NABP2: variants seen among roughly 807,000 people sequenced by gnomAD.
NABP2 encodes SOSS complex subunit B1.
In NABP2, 7 loss-of-function variants were observed where a neutral mutation model predicts 22.7. That is an observed-to-expected ratio of 0.31 (90% CI 0.18 to 0.58). NABP2 has a LOEUF of 0.58. Among genes scored for constraint, NABP2 ranks in the 20% least tolerant of loss-of-function variants. The probability of loss-of-function intolerance (pLI) is 0.89; values close to 1 mark genes in which losing one functional copy is unlikely to be tolerated. For synonymous variants in NABP2, 107 were observed against 99.2 expected, an observed-to-expected ratio of 1.08 and a Z score of -0.47; for missense variants, 188 against 265.9, an observed-to-expected ratio of 0.71 and a Z score of 2.04.
chr12:56,229,462 C>T lies in NABP2; in HGVS notation c.*249C>T. 1 of 505,870 alleles carries T rather than the reference C, an allele frequency of 2.0e-6. No homozygotes were observed. The highest frequency in any genetic ancestry group is 2.1e-5 in the South Asian group (1 of 47,256). 31.3% of individuals were successfully genotyped at this position (505,870 alleles called of 1,614,324 possible). On this transcript the variant is annotated 3_prime_UTR_variant, in exon 7 of 7. Transcript: ENST00000267023. ...AGAAATGGCAGTTACTGGCTGGGCG[C>T]AGTGGCTCACGCTTGTAATCCCAGC...
chr12:56,229,087 T>TTGCCCGCCCCC lies in NABP2; in HGVS notation c.510_511insTGCCCGCCCCC (p.Pro171CysfsTer66). 9.3e-6 allele frequency: 14 copies of TTGCCCGCCCCC among 1,512,320 alleles called. No individual in the cohort carries two copies. The highest frequency in any genetic ancestry group is 2.3e-5 in the East Asian group (1 of 43,520). The allele number at this position is 1,512,320 out of a possible 1,614,324, so 93.7% of individuals were successfully genotyped here. On this transcript the variant is annotated frameshift_variant, in exon 7 of 7. Transcript: ENST00000267023. LOFTEE classifies it high-confidence loss of function. ...GTGGTGGCCCACATCCCCCTCATAC[T>TTGCCCGCCCCC]CCCTCCCACCCACCCAGCACCCGAA...
chr12:56,229,071 C>T lies in NABP2; in HGVS notation c.494C>T (p.Pro165Leu), dbSNP rs1386593695. The stretch of plus-strand genomic sequence containing the variant: ...GCCCCACCAGGTCCCGGTGGTGGCC[C>T]ACATCCCCCTCATACTCCCTCCCAC... ...LSAPPGPGGG[P>L]HPPHTPSHPP... is the part of the protein sequence containing the mutation. The change falls in exon 7 of 7, where the codon CCA becomes CTA. Residue 165 changes from proline to leucine, a missense_variant. Transcript: ENST00000267023. 6.2e-7 allele frequency: 1 copy of T among 1,612,612 alleles called. No homozygotes were observed.
At chr12:56,223,148 A>G (rs1869579177), upstream of NABP2, among the ~76,000 whole-genome samples, 1 of 152,146 alleles carries the variant, frequency 6.6e-6, no homozygotes, top group African/African-American at 2.4e-5. Flanking sequence ...AGACAGGAGA[A>G]TCGCTTGAAC....
intron 6 of NABP2, 149 bp downstream of exon 6, chr12:56,226,568 T>TC (rs1291223668): frequency 1.5e-6 from 1 of 680,598 alleles, no homozygotes; most frequent in Admixed American, 3.2e-5. Context: ...TTTTTTTTTT[T>TC]TTTTTTTTTT....
chr12:56,226,091 C>T, intron 4 of NABP2, 88 bp from the exon 5 acceptor site: 1 of 1,200,602 alleles, frequency 8.3e-7, no homozygotes, highest in South Asian at 1.2e-5. Context: ...TGTGAGTGAC[C>T]ACACCGAACC....
intron 2 of NABP2, among the ~76,000 whole-genome samples, 190 bp downstream of exon 2, chr12:56,225,125 T>C (rs181431297): frequency 6.6e-6 from 1 of 152,198 alleles, no homozygotes; most frequent in African/African-American, 2.4e-5. Context: ...TTGCCAGATC[T>C]AGACCTCCTG....
At chr12:56,226,321 G>C (rs1475347974) in intron 5 of NABP2, 35 bp from the exon 6 acceptor site, 1 of 1,613,888 alleles carries the variant, frequency 6.2e-7, no homozygotes, top group Non-Finnish European at 8.5e-7. Context: ...AGCATGGGAG[G>C]GAGCAGGATC....
chr12:56,229,087 T>TGGCGCCCCC lies in NABP2; in HGVS notation c.510_511insGGCGCCCCC (p.Thr170_Pro171insGlyAlaPro). The TGGCGCCCCC allele has an allele frequency of 2.0e-6, 3 of 1,512,346 alleles. No homozygotes were observed. The highest frequency in any genetic ancestry group is 2.7e-6 in the Non-Finnish European group (3 of 1,102,014). The allele number at this position is 1,512,346 out of a possible 1,614,324, so 93.7% of individuals were successfully genotyped here. A position where few individuals can be genotyped will look rare whatever the true frequency, so the allele number is the denominator to read the frequency against. ...GTGGTGGCCCACATCCCCCTCATAC[T>TGGCGCCCCC]CCCTCCCACCCACCCAGCACCCGAA... On this transcript the variant is annotated inframe_insertion, in exon 7 of 7. Coordinates refer to ENST00000267023, the MANE Select transcript of NABP2 (RefSeq NM_024068.4).
intron 4 of NABP2, 98 bp downstream of exon 4, chr12:56,225,793 C>A: frequency 8.0e-7 from 1 of 1,243,568 alleles, no homozygotes; most frequent in Non-Finnish European, 1.2e-6. Flanking sequence ...CATTTCTGGA[C>A]TTTTTCTGTT....
Position 56,229,087 on chromosome 12 carries a change from T to TGGCGGCCCC in NABP2, c.510_511insGGCGGCCCC (p.Thr170_Pro171insGlyGlyPro). On this transcript the variant is annotated inframe_insertion, in exon 7 of 7. Transcript: ENST00000267023. ...GTGGTGGCCCACATCCCCCTCATAC[T>TGGCGGCCCC]CCCTCCCACCCACCCAGCACCCGAA... is the stretch of plus-strand genomic sequence containing the variant. 6.6e-7 allele frequency: 1 copy of TGGCGGCCCC among 1,512,346 alleles called. No individual in the cohort carries two copies. The highest frequency in any genetic ancestry group is 9.1e-7 in the Non-Finnish European group (1 of 1,102,014). 93.7% of individuals were successfully genotyped at this position (1,512,346 alleles called of 1,614,324 possible).
rs1750913407 is a variant in NABP2 at position 56,229,679 on chromosome 12, AGCCGAAATT to A, written c.*469_*477del. On this transcript the variant is annotated 3_prime_UTR_variant, in exon 7 of 7. Coordinates refer to ENST00000267023, the MANE Select transcript of NABP2 (RefSeq NM_024068.4). ...AAACCGGGAGGCGGAGGTTGAGGTG[AGCCGAAATT>A]GCACCATTGCACTCCAGCCTGGGCA... 6.2e-6 allele frequency: 1 copy of A among 162,490 alleles called. No individual in the cohort carries two copies. Among genetic ancestry groups the A allele is most frequent in the African/African-American group, 2.4e-5 (1 of 41,432 alleles). The allele number at this position is 162,490 out of a possible 1,614,324, so 10.1% of individuals were successfully genotyped here. A position where few individuals can be genotyped will look rare whatever the true frequency, so the allele number is the denominator to read the frequency against.
chr12:56,224,996 C>G (rs1422489045), intron 2 of NABP2, 61 bp downstream of exon 2: 2 of 1,263,064 alleles, frequency 1.6e-6, no homozygotes, highest in African/African-American at 2.9e-5. Context: ...GGGAAGAACG[C>G]TGTCTGCGTT....
At chr12:56,224,214 C>T, upstream of NABP2, 1 of 542,846 alleles carries the variant, frequency 1.8e-6, no homozygotes, top group Non-Finnish European at 2.4e-6. Flanking sequence ...CTGAAATTCG[C>T]CCCCTTCGCG....
At chr12:56,223,908 GCCTC>G (rs1048521911), upstream of NABP2, among the ~76,000 whole-genome samples, 1 of 152,144 alleles carries the variant, frequency 6.6e-6, no homozygotes, top group Admixed American at 6.5e-5. Context: ...TCCAGCCTAT[GCCTC>G]CCTACGTGCT....
At chr12:56,226,467 T>A in intron 6 of NABP2, 48 bp downstream of exon 6, 1 of 1,527,236 alleles carries the variant, frequency 6.5e-7, no homozygotes, top group Non-Finnish European at 9.1e-7. Flanking sequence ...TCTCCCACTC[T>A]CCTCAGCCTA....
At chr12:56,224,584 C>A in intron 1 of NABP2, 143 bp downstream of exon 1, 1 of 1,232,326 alleles carries the variant, frequency 8.1e-7, no homozygotes, top group Non-Finnish European at 1.0e-6. Flanking sequence ...GGCTCCGCCA[C>A]TTCGCGGCTT....
At chr12:56,228,200 T>C (rs550749383) in intron 6 of NABP2, among the ~76,000 whole-genome samples, 24 of 151,952 alleles carry the variant, frequency 1.6e-4, no homozygotes, top group Non-Finnish European at 3.5e-4. Context: ...CTCAAAAAAA[T>C]AAATAAATAA....
intron 2 of NABP2, 135 bp from the exon 3 acceptor site, chr12:56,225,238 G>GC (rs1395648766): frequency 9.0e-7 from 1 of 1,105,210 alleles, no homozygotes; most frequent in African/African-American, 1.5e-5. Flanking sequence ...AACCCTTTAT[G>GC]CCCCAGGGAT....
At chr12:56,228,655 A>T (rs1216531034) in intron 6 of NABP2, among the ~76,000 whole-genome samples, 4 of 151,966 alleles carry the variant, frequency 2.6e-5, no homozygotes, top group South Asian at 4.2e-4. Context: ...CACCGTACTG[A>T]GATTACAGGT....
Sources: allele counts gnomAD v4.1 joint callset (sites outside exome capture counted in the v4.1 genomes callset), GRCh38; gene constraint gnomAD v4.1.1; transcripts MANE v1.5; gene names NCBI Gene and HGNC (gene_info 2026-07-23, HGNC 2026-07-21).